The following NEBL variants were observed in gnomAD, a reference collection of about 807,000 sequenced individuals.
NEBL encodes the protein nebulette, also known as LIM and SH3 protein 2.
NEBL carries 122 observed loss-of-function variants against 140.2 expected under a neutral mutation model. That is an observed-to-expected ratio of 0.87 (90% confidence interval 0.75 to 1.01). The LOEUF (loss-of-function observed/expected upper bound fraction) is 1.01, where lower values mean the gene tolerates loss of function less well. Ranked by LOEUF, NEBL falls within the 50% of genes least tolerant of loss-of-function variation. The pLI, the probability that NEBL is intolerant of heterozygous loss-of-function variation, is 0.00. For synonymous variants in NEBL, 436 were observed against 398.9 expected, an observed-to-expected ratio of 1.09 and a Z score of -1.11; for missense variants, 1,365 against 1,231.3, an observed-to-expected ratio of 1.11 and a Z score of -1.62.
upstream of NEBL, among the ~76,000 whole-genome samples, chr10:20,898,015 A>T (rs943453320): frequency 6.6e-6 from 1 of 152,192 alleles, no homozygotes; most frequent in African/African-American, 2.4e-5. Flanking sequence ...ATCATCTTTG[A>T]ATTCTGCAGT....
intron 12 of NEBL, 63 bp from the exon 13 acceptor site, chr10:20,840,912 C>G: frequency 1.1e-6 from 1 of 938,608 alleles, no homozygotes; most frequent in Non-Finnish European, 1.7e-6. Context: ...GTGTGCTATT[C>G]TACATGTTTT....
intron 2 of NEBL, among the ~76,000 whole-genome samples, chr10:21,126,464 C>CTA (rs1475576781): frequency 6.6e-6 from 1 of 151,926 alleles, no homozygotes; most frequent in Non-Finnish European, 1.5e-5. Context: ...TGTGTGGACT[C>CTA]TAAAGAGGGA....
chr10:20,900,020 G>A (rs1050022875), upstream of NEBL, among the ~76,000 whole-genome samples: 2 of 152,174 alleles, frequency 1.3e-5, no homozygotes. Flanking sequence ...ATGACATGGA[G>A]AATATGAAGA....
At chr10:21,059,500 G>T (rs542891409) in intron 2 of NEBL, among the ~76,000 whole-genome samples, 3 of 152,316 alleles carry the variant, frequency 2.0e-5, no homozygotes, top group Admixed American at 2.0e-4. Context: ...ACTTCAAAGG[G>T]GAGGAAGGGG....
chr10:21,090,489 C>G (rs1359894434), intron 2 of NEBL, among the ~76,000 whole-genome samples: 1 of 152,152 alleles, frequency 6.6e-6, no homozygotes, highest in Non-Finnish European at 1.5e-5. Flanking sequence ...TATGAAAACA[C>G]TTTGCCATTT....
At chr10:21,209,000 A>G (rs1237508470) in intron 3 of NEBL, among the ~76,000 whole-genome samples, 1 of 152,128 alleles carries the variant, frequency 6.6e-6, no homozygotes, top group Admixed American at 6.5e-5. Flanking sequence ...TTGTTTTTAT[A>G]CAGCAAGGAA....
rs371023901 is a variant in NEBL at position 21,154,986 on chromosome 10, G to A, written c.164+17397C>T. Among the ~76,000 whole-genome samples the A allele has an allele frequency of 3.3e-5, 5 of 152,262 alleles. No individual in the cohort carries two copies. In the East Asian group the frequency reaches 5.8e-4, roughly 18 times the overall value. On this transcript the variant is annotated intron_variant, in intron 2 of 6. Transcript: ENST00000417816. Reference sequence around the variant, plus strand: ...GAGGCCGAGGCGGGTGGATCACGAGGTCAGGAGTTCGAGACCAGCCTGGCC... The same window carrying A: ...GAGGCCGAGGCGGGTGGATCACGAGATCAGGAGTTCGAGACCAGCCTGGCC...
intron 3 of NEBL, among the ~76,000 whole-genome samples, chr10:20,963,003 AACACACACACAC>A (rs35031266): frequency 3.6e-4 from 52 of 143,308 alleles, no homozygotes; most frequent in Admixed American, 8.4e-4. Flanking sequence ...TTGAAAGAAA[AACACACACACAC>A]ACACACACAC....
chr10:21,211,659 A>C (rs1466696698), intron 3 of NEBL, among the ~76,000 whole-genome samples: 1 of 152,168 alleles, frequency 6.6e-6, no homozygotes, highest in Non-Finnish European at 1.5e-5. Flanking sequence ...GAGATGCCAA[A>C]CCCAGTTACG....
At position 20,850,264 on chromosome 10, in the gene NEBL, C is replaced by G. The variant is rs934922737; in HGVS notation, c.1116+131G>C. 5.4e-6 allele frequency: 4 copies of G among 737,958 alleles called. No homozygotes were observed. In the Admixed American group the frequency reaches 6.1e-5, roughly 11 times the overall value. The allele number at this position is 737,958 out of a possible 1,614,324, so 45.7% of individuals were successfully genotyped here. A position where few individuals can be genotyped will look rare whatever the true frequency, so the allele number is the denominator to read the frequency against. On this transcript the variant is annotated intron_variant, in intron 11 of 27. Transcript: ENST00000377122. ...GATCCCAGGCAGTGGGTGGCTGGGT[C>G]TAGAAAGCAGGTCCTTGAATCTGCC... is the stretch of plus-strand genomic sequence containing the variant.
intron 2 of NEBL, among the ~76,000 whole-genome samples, chr10:21,107,541 T>G (rs1211673560): frequency 1.3e-5 from 2 of 152,214 alleles, no homozygotes; most frequent in Admixed American, 6.5e-5. Context: ...ACAGATAAGC[T>G]TTCTGATGTG....
At chr10:21,151,010 T>G (rs1840114741) in intron 2 of NEBL, among the ~76,000 whole-genome samples, 1 of 152,170 alleles carries the variant, frequency 6.6e-6, no homozygotes, top group African/African-American at 2.4e-5. Context: ...ATACAGATTG[T>G]TAGGGCAATT....
At position 20,837,151 on chromosome 10, in the gene NEBL, G is replaced by T. The variant is rs73607524; in HGVS notation, c.1339-1528C>A. Among the ~76,000 whole-genome samples the T allele has an allele frequency of 9.8e-3, 1,494 of 152,050 alleles. 27 individuals carry two copies. Among genetic ancestry groups the T allele is most frequent in the African/African-American group, 0.034 (1,412 of 41,360 alleles). ...GCTAGAAATGACTGAGCTTAGTGAG[G>T]AAAGGATGTCAAAAGCCAACACAGG... On this transcript the variant is annotated intron_variant, in intron 13 of 27. Coordinates refer to ENST00000377122, the MANE Select transcript of NEBL (RefSeq NM_006393.3).
rs71390798 is a variant in NEBL, at chr10:20,914,969, A to ATTTTTTTT, written c.357+46695_357+46702dup. 1.3e-4 allele frequency among the ~76,000 whole-genome samples: 15 copies of ATTTTTTTT among 111,220 alleles called. 1 individual carries two copies. The highest frequency in any genetic ancestry group is 2.8e-4 in the South Asian group (1 of 3,606). 73.0% of individuals were successfully genotyped at this position (111,220 alleles called of 152,430 possible). A position where few individuals can be genotyped will look rare whatever the true frequency, so the allele number is the denominator to read the frequency against. ...TACCTCTGCCTCCCAAGTGGCTGGG[A>ATTTTTTTT]TTTTTTTTTTTTTTGGAGAGATGGG... On this transcript the variant is annotated intron_variant, in intron 4 of 6. Coordinates refer to the NEBL transcript ENST00000417816.
intron 2 of NEBL, among the ~76,000 whole-genome samples, chr10:21,109,490 G>T (rs1347194857): frequency 6.6e-6 from 1 of 152,226 alleles, no homozygotes; most frequent in East Asian, 1.9e-4. Flanking sequence ...CCAGGTTTTG[G>T]TGTCAGGATG....
At chr10:20,868,636 C>A in intron 7 of NEBL, 28 bp downstream of exon 7, 1 of 1,414,304 alleles carries the variant, frequency 7.1e-7, no homozygotes, top group Admixed American at 1.7e-5. Flanking sequence ...TGAATAAAGT[C>A]ATTGTGGAAT....
intron 3 of NEBL, among the ~76,000 whole-genome samples, chr10:21,239,391 C>T (rs927557587): frequency 6.6e-6 from 1 of 152,038 alleles, no homozygotes; most frequent in Non-Finnish European, 1.5e-5. Flanking sequence ...TAGTCAGCTG[C>T]TGCTGACTAG....
intron 17 of NEBL, 48 bp from the exon 18 acceptor site, chr10:20,826,587 A>T (rs755973097): frequency 1.4e-6 from 2 of 1,407,364 alleles, no homozygotes; most frequent in Non-Finnish European, 2.0e-6. Flanking sequence ...TCAGAATTCA[A>T]GTCCTAGATC....
chr10:20,875,285 G>A (rs1311786776), intron 5 of NEBL, among the ~76,000 whole-genome samples: 3 of 151,990 alleles, frequency 2.0e-5, no homozygotes, highest in Non-Finnish European at 4.4e-5. Context: ...CAAGGTGCCC[G>A]GCTATCCTTT....
Sources: allele counts gnomAD v4.1 joint callset (sites outside exome capture counted in the v4.1 genomes callset), GRCh38; gene constraint gnomAD v4.1.1; transcripts MANE v1.5; gene names NCBI Gene and HGNC (gene_info 2026-07-23, HGNC 2026-07-21).